The following VRK3 variants were observed in gnomAD, a reference collection of about 807,000 sequenced individuals.
The protein encoded by VRK3 is serine/threonine-protein kinase VRK3.
In VRK3, 50 loss-of-function variants were observed where a neutral mutation model predicts 60.4. The ratio of observed to expected loss-of-function variants is 0.83; its 90% confidence interval spans 0.66 to 1.05. VRK3 has a LOEUF of 1.05. Among genes scored for constraint, VRK3 ranks in the 50% least tolerant of loss-of-function variants. The probability of loss-of-function intolerance (pLI) is 0.00; values close to 1 mark genes in which losing one functional copy is unlikely to be tolerated. For synonymous variants in VRK3, 246 were observed against 227.8 expected, an observed-to-expected ratio of 1.08 and a Z score of -0.72; for missense variants, 549 against 585.3, an observed-to-expected ratio of 0.94 and a Z score of 0.64.
chr19:50,020,824 A>G (rs1367955754), intron 1 of VRK3, among the ~76,000 whole-genome samples, 177 bp from the exon 2 acceptor site: 1 of 152,266 alleles, frequency 6.6e-6, no homozygotes, highest in East Asian at 1.9e-4. Flanking sequence ...CTAGGGAAAC[A>G]GCAGCAAAGG....
At chr19:50,006,711 T>C (rs769280745) in intron 5 of VRK3, among the ~76,000 whole-genome samples, 155 of 152,284 alleles carry the variant, frequency 1.0e-3, no homozygotes, top group Admixed American at 5.6e-3. Flanking sequence ...TTTATCTCAA[T>C]TAAAAAGTTC....
At chr19:49,976,843 C>A (rs1038891985) in intron 14 of VRK3, 59 bp from the exon 15 acceptor site, 1 of 152,184 alleles carries the variant, frequency 6.6e-6, no homozygotes, top group Non-Finnish European at 1.5e-5. Flanking sequence ...CCCTCTATGC[C>A]TTCACTTCAT....
chr19:49,993,035 A>T, intron 9 of VRK3, 83 bp from the exon 10 acceptor site: 1 of 1,282,228 alleles, frequency 7.8e-7, no homozygotes, highest in Middle Eastern at 2.2e-4. Context: ...AGGGAGCCCC[A>T]CTATTAAGGC....
chr19:50,007,170 C>T (rs1018555221), intron 5 of VRK3, among the ~76,000 whole-genome samples: 2 of 152,112 alleles, frequency 1.3e-5, no homozygotes, highest in East Asian at 3.8e-4. Context: ...CATCATCAGT[C>T]TCGATGTTTG....
chr19:49,997,660 A>C (rs1340392428), intron 6 of VRK3, 90 bp from the exon 7 acceptor site: 4 of 1,438,392 alleles, frequency 2.8e-6, no homozygotes, highest in Non-Finnish European at 2.9e-6. Context: ...TACTCCCTCA[A>C]TGACCAGGCT....
rs1406849564 is a variant in VRK3, at chr19:50,007,592, T to C, written c.524A>G (p.Asp175Gly). The change falls in exon 5 of 15, where the codon GAC (aspartate) becomes GGC (glycine). Residue 175 changes from aspartate (D) to glycine (G), a missense_variant. Asp to Gly is a moderately conservative substitution (Grantham distance 94, BLOSUM62 -1). Transcript: ENST00000316763. ...QWKLKSFQTRDNQGILYEAAP... is the reference protein window; with the variant it reads ...QWKLKSFQTRGNQGILYEAAP... The stretch of plus-strand genomic sequence containing the variant: ...ACCTTCATAGAGAATGCCCTGGTTG[T>C]CCCTGGTCTGGAAGGACTTCAGCTT... 8 of 1,614,240 alleles carry C rather than the reference T, an allele frequency of 5.0e-6. No individual in the cohort carries two copies. Among genetic ancestry groups the C allele is most frequent in the Admixed American group, 3.3e-5 (2 of 60,024 alleles).
chr19:50,002,497 G>T (rs893760093), intron 5 of VRK3, among the ~76,000 whole-genome samples: 13 of 152,170 alleles, frequency 8.5e-5, no homozygotes, highest in African/African-American at 2.9e-4. Context: ...TAGTAACAGT[G>T]CCTGTCTCTC....
intron 6 of VRK3, chr19:49,999,700 C>T (rs2076766497): frequency 6.6e-6 from 1 of 152,250 alleles, no homozygotes; most frequent in Non-Finnish European, 1.5e-5. Context: ...GACTGGGAGC[C>T]TCTCCAGGGC....
intron 5 of VRK3, among the ~76,000 whole-genome samples, chr19:50,006,317 TAAA>T (rs1382063964): frequency 4.0e-5 from 6 of 149,558 alleles, no homozygotes; most frequent in Admixed American, 1.3e-4. Flanking sequence ...CTCAAAAAAA[TAAA>T]AAATAATAAA....
At chr19:50,010,128 C>T (rs1000032734) in intron 3 of VRK3, among the ~76,000 whole-genome samples, 1 of 151,822 alleles carries the variant, frequency 6.6e-6, no homozygotes, top group African/African-American at 2.4e-5. Flanking sequence ...CACATATATA[C>T]ATATATAGAC....
At chr19:50,013,608 T>G (rs921639033) in intron 3 of VRK3, among the ~76,000 whole-genome samples, 5 of 152,230 alleles carry the variant, frequency 3.3e-5, no homozygotes, top group Admixed American at 1.3e-4. Flanking sequence ...TTTACCAATA[T>G]AGTATCTGGG....
intron 3 of VRK3, among the ~76,000 whole-genome samples, chr19:50,014,775 G>A (rs1312024315): frequency 6.6e-6 from 1 of 152,128 alleles, no homozygotes; most frequent in Non-Finnish European, 1.5e-5. Context: ...GAGGGGAAAT[G>A]GGGACCTGGT....
chr19:49,982,895 C>T (rs1364193578), intron 12 of VRK3, among the ~76,000 whole-genome samples: 1 of 152,112 alleles, frequency 6.6e-6, no homozygotes, highest in Non-Finnish European at 1.5e-5. Flanking sequence ...CCCATCGGGC[C>T]AGCTCCCACC....
At chr19:49,981,766 T>C (rs555894918) in intron 12 of VRK3, 2 of 1,031,062 alleles carry the variant, frequency 1.9e-6, no homozygotes, top group African/African-American at 3.4e-5. Flanking sequence ...AAAGGTGACC[T>C]CCCCACCCGT....
At chr19:50,004,203 G>A (rs911769977) in intron 5 of VRK3, among the ~76,000 whole-genome samples, 28 of 152,234 alleles carry the variant, frequency 1.8e-4, no homozygotes, top group Non-Finnish European at 4.4e-5. Flanking sequence ...GTTTCTGGGG[G>A]AGGTCAAGCG....
chr19:50,002,832 A>C (rs1038484832), intron 5 of VRK3, among the ~76,000 whole-genome samples: 22 of 152,108 alleles, frequency 1.4e-4, no homozygotes, highest in African/African-American at 5.3e-4. Context: ...TGACAAATGG[A>C]AAGTCTCTAC....
At chr19:50,024,685 C>G (rs772821263) in intron 1 of VRK3, among the ~76,000 whole-genome samples, 2 of 152,174 alleles carry the variant, frequency 1.3e-5, no homozygotes, top group Non-Finnish European at 2.9e-5. Context: ...ACGGAGCCTT[C>G]CATATAGTAA....
At chr19:50,009,510 G>T in intron 3 of VRK3, 125 bp from the exon 4 acceptor site, 2 of 1,096,804 alleles carry the variant, frequency 1.8e-6, no homozygotes, top group Middle Eastern at 3.1e-4. Context: ...ACCAATTCTT[G>T]CTTCTTCTAT....
intron 12 of VRK3, among the ~76,000 whole-genome samples, chr19:49,987,283 C>T (rs1016003822): frequency 6.6e-6 from 1 of 152,106 alleles, no homozygotes; most frequent in Non-Finnish European, 1.5e-5. Flanking sequence ...TTTTGTGCTC[C>T]GCTGTCCCTG....
Sources: allele counts gnomAD v4.1 joint callset (sites outside exome capture counted in the v4.1 genomes callset), GRCh38; gene constraint gnomAD v4.1.1; transcripts MANE v1.5; gene names NCBI Gene and HGNC (gene_info 2026-07-23, HGNC 2026-07-21).